The following ASXL2 variants were observed in gnomAD, a reference collection of about 807,000 sequenced individuals.
ASXL2 encodes the protein ASXL transcriptional regulator 2, also known as putative Polycomb group protein ASXL2.
Under a neutral mutation model 122.0 loss-of-function variants are expected in ASXL2, and 23 were observed. That is an observed-to-expected ratio of 0.19 (90% confidence interval 0.14 to 0.27). The LOEUF (loss-of-function observed/expected upper bound fraction) is 0.27, where lower values mean the gene tolerates loss of function less well. Ranked by LOEUF, ASXL2 falls within the 10% of genes least tolerant of loss-of-function variation. The pLI is 1.00. For synonymous variants in ASXL2, 650 were observed against 637.0 expected (o/e 1.02, Z -0.31); for missense variants, 1,518 against 1,713.8 (o/e 0.89, Z 2.02).
In ASXL2 at chr2:25,742,247, C is replaced by T; in HGVS notation, c.4090G>A (p.Val1364Ile). 1.2e-6 allele frequency: 2 copies of T among 1,613,976 alleles called. No homozygotes were observed. Among genetic ancestry groups the T allele is most frequent in the South Asian group, 1.1e-5 (1 of 91,084 alleles). Residue 1364 changes from valine to isoleucine, a missense_variant, in exon 13 of 13, where the codon GTC (valine) becomes ATC (isoleucine). Transcript: ENST00000435504. ...GCTTGGCTAGCAGGGATGGTAGTGA[C>T]AGTCACTGAAAATGACATGACATCA... is the stretch of plus-strand genomic sequence containing the variant. ...VGDVMSFSVT[V>I]TTIPASQAMN...
rs1218023978 is a variant in ASXL2 at position 25,771,372 on chromosome 2, G to C, written c.504+68C>G. On this transcript the variant is annotated intron_variant, in intron 6 of 12. Coordinates refer to ENST00000435504, the MANE Select transcript of ASXL2 (RefSeq NM_018263.6). ...AAAAAATTTTCAAAAAATATCCGAT[G>C]ACTGCCAGAGGTGTGCGTTTTAAAT... 2.2e-6 allele frequency: 3 copies of C among 1,391,704 alleles called. No homozygotes were observed. The African/African-American group carries it at 4.4e-5, about 20-fold the overall frequency. The allele number at this position is 1,391,704 out of a possible 1,614,324, so 86.2% of individuals were successfully genotyped here.
chr2:25,781,993 C>CA (rs2149162198), intron 5 of ASXL2, among the ~76,000 whole-genome samples: 1 of 101,038 alleles, frequency 9.9e-6, no homozygotes, highest in East Asian at 2.5e-4. Flanking sequence ...TTTGTAGAGA[C>CA]AGAGTCTCGC....
intron 1 of ASXL2, among the ~76,000 whole-genome samples, chr2:25,873,643 A>T (rs929830625): frequency 6.9e-6 from 1 of 145,182 alleles, no homozygotes; most frequent in Admixed American, 6.9e-5. Context: ...TCTATATATT[A>T]AAAAAAAAAA....
intron 4 of ASXL2, among the ~76,000 whole-genome samples, chr2:25,801,539 C>A (rs1432344586): frequency 6.6e-6 from 1 of 152,172 alleles, no homozygotes; most frequent in Non-Finnish European, 1.5e-5. Context: ...CTTCAAAATG[C>A]AGGACAGCTT....
intron 9 of ASXL2, among the ~76,000 whole-genome samples, chr2:25,757,720 C>T (rs1329387336): frequency 2.8e-5 from 4 of 141,300 alleles, no homozygotes; most frequent in Non-Finnish European, 6.1e-5. Flanking sequence ...CCCAGGATTG[C>T]ACTCTATGGG....
rs1214148481 is a variant in ASXL2, at chr2:25,736,781, A to G, written c.*5248T>C. 6.6e-6 allele frequency: 1 copy of G among 152,224 alleles called. No homozygotes were observed. 9.4% of individuals were successfully genotyped at this position (152,224 alleles called of 1,614,324 possible). A position where few individuals can be genotyped will look rare whatever the true frequency, so the allele number is the denominator to read the frequency against. On this transcript the variant is annotated 3_prime_UTR_variant, in exon 13 of 13. Transcript: ENST00000435504. Reference sequence around the variant, plus strand: ...AAAAAGTCAGTTTTATGGGTCATCAAGATACACTCTCGAAAATCTGACCTT... The same window carrying G: ...AAAAAGTCAGTTTTATGGGTCATCAGGATACACTCTCGAAAATCTGACCTT...
intron 1 of ASXL2, among the ~76,000 whole-genome samples, chr2:25,847,819 G>T (rs1207418003): frequency 6.6e-5 from 10 of 152,096 alleles, no homozygotes; most frequent in Non-Finnish European, 1.5e-5. Flanking sequence ...GAAGTTGCAG[G>T]TTTAAATATA....
chr2:25,843,202 T>G lies in ASXL2; in HGVS notation c.140+2279A>C, dbSNP rs533403469. On this transcript the variant is annotated intron_variant, in intron 2 of 12. Coordinates refer to ENST00000435504, the MANE Select transcript of ASXL2 (RefSeq NM_018263.6). ...CTGTAGTCCCAGCTACTCGGGAGGCTAAGGCAGGAGAATGGGGTGAACCTG... is the reference window on the plus strand; with the variant it reads ...CTGTAGTCCCAGCTACTCGGGAGGCGAAGGCAGGAGAATGGGGTGAACCTG... Among the ~76,000 whole-genome samples the G allele has an allele frequency of 2.8e-4, 42 of 148,992 alleles. 1 individual carries two copies. The South Asian group carries it at 8.4e-3, about 30-fold the overall frequency.
At chr2:25,834,842 A>T (rs2089489921) in intron 3 of ASXL2, among the ~76,000 whole-genome samples, 1 of 150,388 alleles carries the variant, frequency 6.6e-6, no homozygotes, top group Non-Finnish European at 1.5e-5. Flanking sequence ...TTTTTTTTTT[A>T]GACGGAGTCT....
At chr2:25,791,666 T>C (rs1259883198) in intron 5 of ASXL2, among the ~76,000 whole-genome samples, 2 of 148,924 alleles carry the variant, frequency 1.3e-5, no homozygotes, top group African/African-American at 5.2e-5. Flanking sequence ...TGCCTTTATA[T>C]ATGTTTTCTT....
chr2:25,766,032 T>C (rs1299061569), intron 8 of ASXL2, among the ~76,000 whole-genome samples: 3 of 152,236 alleles, frequency 2.0e-5, no homozygotes, highest in African/African-American at 7.2e-5. Context: ...TTATTGTTAA[T>C]TCTGTTCTCA....
chr2:25,756,099 A>C lies in ASXL2; in HGVS notation c.955T>G (p.Leu319Val). Residue 319 changes from leucine (L) to valine (V), a missense_variant, in exon 10 of 13, where the codon TTA becomes GTA. Physicochemically the swap from Leu to Val is conservative, Grantham distance 32. Around this residue, in one of 8 missense-constraint regions of ASXL2, gnomAD observed 92 missense variants for 156.6 expected, o/e 0.59. Transcript: ENST00000435504. ...AGGGCTGAGCCATTTAACTTCATTA[A>C]ACCATCTGGACCAACCTGGGTCAAA... ...EVDRQVGPDG[L>V]MKLNGSALNN... 6.2e-7 allele frequency: 1 copy of C among 1,606,942 alleles called. No individual in the cohort carries two copies. Among genetic ancestry groups the C allele is most frequent in the Non-Finnish European group, 8.5e-7 (1 of 1,176,984 alleles).
intron 1 of ASXL2, among the ~76,000 whole-genome samples, chr2:25,858,426 A>AC (rs1307237724): frequency 6.6e-6 from 1 of 152,048 alleles, no homozygotes; most frequent in Non-Finnish European, 1.5e-5. Flanking sequence ...TCCAAAAAAA[A>AC]AAAAAAATTT....
chr2:25,850,119 T>C (rs951282567), intron 1 of ASXL2, among the ~76,000 whole-genome samples: 1 of 152,128 alleles, frequency 6.6e-6, no homozygotes, highest in African/African-American at 2.4e-5. Context: ...TGGGTTATTC[T>C]GAAGCAAGCC....
chr2:25,803,392 C>T (rs987526189), intron 4 of ASXL2, among the ~76,000 whole-genome samples: 4 of 152,092 alleles, frequency 2.6e-5, no homozygotes, highest in Non-Finnish European at 4.4e-5. Flanking sequence ...AGGAGGGAAC[C>T]CCAATTATAA....
At chr2:25,792,187 G>C (rs538183497) in intron 5 of ASXL2, among the ~76,000 whole-genome samples, 3 of 152,228 alleles carry the variant, frequency 2.0e-5, no homozygotes, top group African/African-American at 7.2e-5. Context: ...TTTTTGTAGA[G>C]ACAGGAGTCT....
chr2:25,772,551 G>A (rs929590324), intron 5 of ASXL2, among the ~76,000 whole-genome samples: 8 of 151,936 alleles, frequency 5.3e-5, no homozygotes, highest in African/African-American at 1.9e-4. Flanking sequence ...GACCAACATG[G>A]AGAAACCCTA....
chr2:25,865,418 C>T (rs1179612483), intron 1 of ASXL2, among the ~76,000 whole-genome samples: 3 of 150,724 alleles, frequency 2.0e-5, no homozygotes, highest in East Asian at 2.0e-4. Context: ...GATGACAGAG[C>T]GAGACTCTGT....
At chr2:25,805,894 C>T (rs1193541229) in intron 4 of ASXL2, among the ~76,000 whole-genome samples, 2 of 152,080 alleles carry the variant, frequency 1.3e-5, no homozygotes, top group African/African-American at 4.8e-5. Context: ...CCAGGCTGGT[C>T]GCAAACTCCT....
Sources: gnomAD v4.1 joint callset for allele counts (sites outside exome capture counted in the v4.1 genomes callset) on GRCh38, gnomAD v4.1.1 for gene constraint, gnomAD v4.1.1 regional missense constraint, MANE v1.5 for transcripts, NCBI Gene and HGNC (gene_info 2026-07-23, HGNC 2026-07-21) for gene names.